BST1: variants seen among roughly 807,000 people sequenced by gnomAD.
BST1 encodes the protein ADP-ribosyl cyclase/cyclic ADP-ribose hydrolase 2.
A neutral mutation model predicts 40.6 loss-of-function variants in BST1; 49 were observed. That is an observed-to-expected ratio of 1.21 (90% CI 0.96 to 1.53). The LOEUF is 1.53. BST1 is among the 40% of genes most tolerant of loss of function. The pLI is 0.00. For missense variants in BST1, 423 were observed against 395.9 expected, an observed-to-expected ratio of 1.07 and a Z score of -0.58; for synonymous variants, 157 against 159.3, an observed-to-expected ratio of 0.99 and a Z score of 0.11.
rs1419015916 is a variant in BST1 at position 15,707,562 on chromosome 4, A to T, written c.367A>T (p.Thr123Ser). ...CCTTGTTAACAGCTTTGCAGACAAC[A>T]CCCGTCGTTTTATGCCCCTGAGCGA... ...HLLVNSFADNTRRFMPLSDVL... is the reference protein window; with the variant it reads ...HLLVNSFADNSRRFMPLSDVL... Residue 123 changes from threonine (T) to serine (S), a missense_variant, in exon 3 of 9, where the codon ACC becomes TCC. Coordinates refer to ENST00000265016, the MANE Select transcript of BST1 (RefSeq NM_004334.3). 2.5e-6 allele frequency: 4 copies of T among 1,613,832 alleles called. No homozygotes were observed. Among genetic ancestry groups the T allele is most frequent in the Non-Finnish European group, 3.4e-6 (4 of 1,180,006 alleles).
At chr4:15,735,924 G>T, downstream of BST1, 1 of 376,942 alleles carries the variant, frequency 2.7e-6, no homozygotes. Flanking sequence ...GAGTAATAAT[G>T]GCTCTTTACT....
chr4:15,769,841 G>GT, the BST1 span, among the ~76,000 whole-genome samples: 1 of 151,830 alleles, frequency 6.6e-6, no homozygotes, highest in Non-Finnish European at 1.5e-5. Context: ...TTAAAATGTA[G>GT]TTTTTTGTTT....
chr4:15,707,874 T>TAC (rs749013024), intron 3 of BST1, among the ~76,000 whole-genome samples: 8 of 142,482 alleles, frequency 5.6e-5, no homozygotes, highest in South Asian at 4.4e-4. Context: ...TATATATATA[T>TAC]ACACATATAT....
the BST1 span, among the ~76,000 whole-genome samples, chr4:15,764,032 C>T: frequency 1.3e-5 from 2 of 151,898 alleles, no homozygotes; most frequent in African/African-American, 4.9e-5. Context: ...CAAGAGTGAG[C>T]GCTAATGTAA....
chr4:15,736,600 ACT>A (rs1721575218), downstream of BST1, among the ~76,000 whole-genome samples: 1 of 145,608 alleles, frequency 6.9e-6, no homozygotes, highest in Non-Finnish European at 1.5e-5. Context: ...ATAGAGTGAG[ACT>A]CTGTCTCCAA....
downstream of BST1, among the ~76,000 whole-genome samples, chr4:15,741,075 T>C (rs1044811584): frequency 6.6e-6 from 1 of 150,482 alleles, no homozygotes; most frequent in Non-Finnish European, 1.5e-5. Flanking sequence ...CAGTGACAGT[T>C]TTTTTGGTAT....
At chr4:15,767,717 C>T in the BST1 span, among the ~76,000 whole-genome samples, 3 of 151,774 alleles carry the variant, frequency 2.0e-5, no homozygotes, top group South Asian at 2.1e-4. Flanking sequence ...AAGGGGCATA[C>T]GTCACTAATA....
downstream of BST1, among the ~76,000 whole-genome samples, chr4:15,736,532 C>G (rs1721572894): frequency 6.6e-6 from 1 of 151,840 alleles, no homozygotes; most frequent in Non-Finnish European, 1.5e-5. Flanking sequence ...ACTGCTTGAA[C>G]CAAGGACACA....
At position 15,707,599 on chromosome 4, in the gene BST1, G is replaced by T. The variant is rs1719952149; in HGVS notation, c.404G>T (p.Gly135Val). The T allele has an allele frequency of 6.2e-7, 1 of 1,614,056 alleles. No individual in the cohort carries two copies. The highest frequency in any genetic ancestry group is 1.3e-5 in the African/African-American group (1 of 74,992). The change falls in exon 3 of 9, where the codon GGC becomes GTC. Residue 135 changes from glycine (G) to valine (V), a missense_variant. Coordinates refer to ENST00000265016, the MANE Select transcript of BST1 (RefSeq NM_004334.3). ...RFMPLSDVLYGRVADFLSWCR... is the reference protein window; with the variant it reads ...RFMPLSDVLYVRVADFLSWCR... ...ATGCCCCTGAGCGATGTTCTGTATG[G>T]CAGGGTTGCAGATTTCTTGAGCTGG... is the stretch of plus-strand genomic sequence containing the variant.
the BST1 span, among the ~76,000 whole-genome samples, chr4:15,751,686 CTTATAGA>C: frequency 6.6e-6 from 1 of 151,070 alleles, no homozygotes; most frequent in African/African-American, 2.4e-5. Flanking sequence ...ATATGTATAT[CTTATAGA>C]TATACATAGA....
rs533534179 is a variant in BST1, at chr4:15,704,283, T to G, written c.188+951T>G. On this transcript the variant is annotated intron_variant, in intron 1 of 8. Transcript: ENST00000265016. The stretch of plus-strand genomic sequence containing the variant: ...GTATGTGTGTTCTAGAGGTGAGGGG[T>G]GTGTGTGTGTTCTGGAGTTGAGGGG... Among the ~76,000 whole-genome samples the G allele has an allele frequency of 2.8e-4, 41 of 147,670 alleles. No individual in the cohort carries two copies. The East Asian group carries it at 8.2e-3, about 30-fold the overall frequency.
At chr4:15,712,791 G>C (rs1262832513) in intron 4 of BST1, among the ~76,000 whole-genome samples, 1 of 152,178 alleles carries the variant, frequency 6.6e-6, no homozygotes, top group East Asian at 1.9e-4. Context: ...CCCCAAGAGA[G>C]CACCATTTGC....
At chr4:15,718,299 G>A (rs1027399039) in intron 6 of BST1, among the ~76,000 whole-genome samples, 4 of 151,830 alleles carry the variant, frequency 2.6e-5, no homozygotes, top group South Asian at 2.1e-4. Context: ...ACAGAGACAG[G>A]AGCTAAAGCA....
chr4:15,749,337 CG>C, the BST1 span, among the ~76,000 whole-genome samples: 1 of 152,112 alleles, frequency 6.6e-6, no homozygotes, highest in Non-Finnish European at 1.5e-5. Flanking sequence ...CTGCTACGAG[CG>C]GGTTTTCTGT....
the BST1 span, among the ~76,000 whole-genome samples, chr4:15,746,867 C>G: frequency 2.0e-5 from 3 of 152,170 alleles, no homozygotes; most frequent in Admixed American, 6.5e-5. Flanking sequence ...CATTTGTCAT[C>G]TAGCCTCAGT....
intron 7 of BST1, among the ~76,000 whole-genome samples, chr4:15,720,092 C>G (rs1300334747): frequency 6.6e-6 from 1 of 152,174 alleles, no homozygotes; most frequent in Non-Finnish European, 1.5e-5. Context: ...ATAAACAGAA[C>G]ATACTCAGCA....
chr4:15,748,239 C>A, the BST1 span, among the ~76,000 whole-genome samples: 1 of 152,184 alleles, frequency 6.6e-6, no homozygotes, highest in East Asian at 1.9e-4. Flanking sequence ...GGTTAACAAT[C>A]CCTTTTCTCC....
chr4:15,758,431 A>G, the BST1 span, among the ~76,000 whole-genome samples: 2 of 152,348 alleles, frequency 1.3e-5, no homozygotes, highest in Admixed American at 6.5e-5. Context: ...TACACTTAGG[A>G]CAATGGCCTC....
the BST1 span, among the ~76,000 whole-genome samples, chr4:15,759,417 CTG>C: frequency 6.6e-6 from 1 of 151,948 alleles, no homozygotes; most frequent in Non-Finnish European, 1.5e-5. Flanking sequence ...TTTGATAACA[CTG>C]TGTATAGAAA....
Sources: gnomAD v4.1 joint callset for allele counts (sites outside exome capture counted in the v4.1 genomes callset) on GRCh38, gnomAD v4.1.1 for gene constraint, MANE v1.5 for transcripts, NCBI Gene and HGNC (gene_info 2026-07-23, HGNC 2026-07-21) for gene names.